The following CNTNAP2 variants were observed in gnomAD, a reference collection of about 807,000 sequenced individuals.
CNTNAP2 encodes the protein contactin associated protein 2.
In CNTNAP2, 98 loss-of-function variants were observed where a neutral mutation model predicts 155.2. That is an observed-to-expected ratio of 0.63 (90% confidence interval 0.54 to 0.75). The LOEUF is 0.75. CNTNAP2 is among the 30% of genes least tolerant of loss of function. The pLI is 0.00. For missense variants in CNTNAP2, 1,727 were observed against 1,688.1 expected (o/e 1.02, Z -0.40); for synonymous variants, 651 against 631.2 (o/e 1.03, Z -0.47).
intron 1 of CNTNAP2, among the ~76,000 whole-genome samples, chr7:146,262,679 A>G (rs1799937639): frequency 6.6e-6 from 1 of 152,222 alleles, no homozygotes; most frequent in Non-Finnish European, 1.5e-5. Flanking sequence ...TTCATATTTA[A>G]TCAAAGTTTA....
At chr7:146,505,737 T>C (rs532491534) in intron 1 of CNTNAP2, among the ~76,000 whole-genome samples, 2 of 152,282 alleles carry the variant, frequency 1.3e-5, no homozygotes, top group East Asian at 3.9e-4. Flanking sequence ...TTACAGACAT[T>C]GGGGCAGGCA....
chr7:147,500,993 A>G (rs1459678205), intron 11 of CNTNAP2, among the ~76,000 whole-genome samples: 1 of 152,182 alleles, frequency 6.6e-6, no homozygotes, highest in Non-Finnish European at 1.5e-5. Flanking sequence ...AGAAAATAGC[A>G]GCAAACCAAG....
chr7:148,062,730 T>C lies in CNTNAP2; in HGVS notation c.2384-55388T>C, dbSNP rs182076756. 1.7e-4 allele frequency among the ~76,000 whole-genome samples: 26 copies of C among 152,268 alleles called. No individual in the cohort carries two copies. In the East Asian group the frequency reaches 5.0e-3, roughly 29 times the overall value. The stretch of plus-strand genomic sequence containing the variant: ...AGTTGTAGTTATTTTACACTTTAAA[T>C]GCTTAAGTAAAAAATGAGTTAAGGC... On this transcript the variant is annotated intron_variant, in intron 15 of 23. Transcript: ENST00000361727.
intron 1 of CNTNAP2, among the ~76,000 whole-genome samples, chr7:146,501,509 T>C (rs1369324795): frequency 6.6e-6 from 1 of 152,194 alleles, no homozygotes; most frequent in Non-Finnish European, 1.5e-5. Context: ...ATAGAATTGT[T>C]TATATTATTC....
intron 8 of CNTNAP2, among the ~76,000 whole-genome samples, chr7:147,181,055 GAAT>G (rs1563105738): frequency 6.6e-6 from 1 of 152,128 alleles, no homozygotes; most frequent in Non-Finnish European, 1.5e-5. Context: ...AAATGGCAGG[GAAT>G]ATTTCACAGG....
chr7:146,693,796 G>A (rs1405133939), intron 1 of CNTNAP2, among the ~76,000 whole-genome samples: 1 of 152,070 alleles, frequency 6.6e-6, no homozygotes, highest in Non-Finnish European at 1.5e-5. Flanking sequence ...GTAAACGTGT[G>A]CCATGGTGGT....
At chr7:146,912,687 T>C (rs966542413) in intron 3 of CNTNAP2, among the ~76,000 whole-genome samples, 2 of 152,162 alleles carry the variant, frequency 1.3e-5, no homozygotes, top group African/African-American at 4.8e-5. Context: ...CACTTTCCCA[T>C]TTGTGGCATA....
chr7:146,304,600 C>T (rs973233877), intron 1 of CNTNAP2, among the ~76,000 whole-genome samples: 1 of 152,110 alleles, frequency 6.6e-6, no homozygotes, highest in Non-Finnish European at 1.5e-5. Flanking sequence ...TATTGGCCCC[C>T]ACTCTCTGCT....
intron 13 of CNTNAP2, among the ~76,000 whole-genome samples, chr7:147,830,339 G>A (rs1331087928): frequency 6.6e-6 from 1 of 151,944 alleles, no homozygotes; most frequent in Non-Finnish European, 1.5e-5. Context: ...TCATGGCAGA[G>A]GGGAAAATGC....
intron 1 of CNTNAP2, among the ~76,000 whole-genome samples, chr7:146,121,254 G>C (rs187053344): frequency 1.3e-3 from 200 of 148,632 alleles, no homozygotes; most frequent in African/African-American, 4.5e-3. Context: ...TCAGCCTCCC[G>C]AGTAGCTGGG....
intron 1 of CNTNAP2, among the ~76,000 whole-genome samples, chr7:146,136,552 C>T (rs553071265): frequency 1.3e-5 from 2 of 152,116 alleles, no homozygotes; most frequent in South Asian, 2.1e-4. Flanking sequence ...ATTAGTGTGG[C>T]GTGGAGGGGC....
intron 3 of CNTNAP2, among the ~76,000 whole-genome samples, chr7:146,928,028 G>A (rs1390139397): frequency 6.6e-6 from 1 of 151,032 alleles, no homozygotes; most frequent in Non-Finnish European, 1.5e-5. Flanking sequence ...TATCCCTCCT[G>A]TAGTCCTCCA....
At chr7:148,162,099 A>T (rs1052717016) in intron 17 of CNTNAP2, among the ~76,000 whole-genome samples, 1 of 152,154 alleles carries the variant, frequency 6.6e-6, no homozygotes. Context: ...TTGACTCCGG[A>T]TTTAAAAAAA....
chr7:148,067,756 G>A (rs1803296038), intron 15 of CNTNAP2, among the ~76,000 whole-genome samples: 1 of 152,212 alleles, frequency 6.6e-6, no homozygotes, highest in Admixed American at 6.5e-5. Flanking sequence ...GGCAGGTAGG[G>A]AAAGACCACT....
chr7:146,421,887 A>G (rs970332577), intron 1 of CNTNAP2, among the ~76,000 whole-genome samples: 1 of 124,342 alleles, frequency 8.0e-6, no homozygotes, highest in South Asian at 2.1e-4. Flanking sequence ...ATAAACAAAT[A>G]TAGACAGATT....
chr7:147,080,946 A>G (rs1800111996), intron 4 of CNTNAP2: 1 of 151,970 alleles, frequency 6.6e-6, no homozygotes, highest in South Asian at 2.1e-4. Flanking sequence ...CACACATAAT[A>G]TTGTTTATTT....
chr7:147,802,565 C>T (rs868824056), intron 13 of CNTNAP2, among the ~76,000 whole-genome samples: 4 of 152,150 alleles, frequency 2.6e-5, no homozygotes, highest in Non-Finnish European at 5.9e-5. Context: ...CTCGCGGTTA[C>T]GAGCTGGAGA....
At chr7:148,330,843 A>C (rs1195872607) in intron 21 of CNTNAP2, among the ~76,000 whole-genome samples, 1 of 130,222 alleles carries the variant, frequency 7.7e-6, no homozygotes, top group Non-Finnish European at 1.6e-5. Context: ...GACGGATAGA[A>C]TGGATGGATG....
chr7:146,117,343 C>A (rs920645593), intron 1 of CNTNAP2: 11 of 203,082 alleles, frequency 5.4e-5, no homozygotes, highest in Non-Finnish European at 6.0e-5. Flanking sequence ...ATGGCAAAAC[C>A]AAGTTTCTTA....
Sources: allele counts gnomAD v4.1 joint callset (sites outside exome capture counted in the v4.1 genomes callset), GRCh38; gene constraint gnomAD v4.1.1; transcripts MANE v1.5; gene names NCBI Gene and HGNC (gene_info 2026-07-23, HGNC 2026-07-21).